Variants in PSMD11 observed in about 807,000 individuals in gnomAD.
PSMD11 encodes proteasome 26S subunit, non-ATPase 11.
Under a neutral mutation model 62.3 loss-of-function variants are expected in PSMD11, and 5 were observed. The ratio of observed to expected loss-of-function variants is 0.08; its 90% CI spans 0.04 to 0.17. The LOEUF is 0.17. PSMD11 is among the 10% of genes least tolerant of loss of function. The pLI is 1.00. For missense variants in PSMD11, 310 were observed against 512.9 expected (o/e 0.60, Z 3.82); for synonymous variants, 191 against 191.8 (o/e 1.00, Z 0.03).
chr17:32,468,244 A>G (rs1305961769), intron 5 of PSMD11, among the ~76,000 whole-genome samples: 1 of 152,110 alleles, frequency 6.6e-6, no homozygotes, highest in Non-Finnish European at 1.5e-5. Context: ...CAAGTCCCTT[A>G]CCAGATACAT....
chr17:32,450,281 G>A (rs1202575882), intron 2 of PSMD11, among the ~76,000 whole-genome samples: 1 of 150,972 alleles, frequency 6.6e-6, no homozygotes, highest in East Asian at 1.9e-4. Context: ...TTGAGACCGA[G>A]TTTCATTCTG....
chr17:32,453,292 A>G (rs949050449), intron 2 of PSMD11, among the ~76,000 whole-genome samples: 11 of 152,250 alleles, frequency 7.2e-5, no homozygotes, highest in Admixed American at 7.2e-4. Context: ...ACCTAAAAGG[A>G]TATATAAGGT....
intron 5 of PSMD11, among the ~76,000 whole-genome samples, chr17:32,466,715 G>A (rs1908002517): frequency 6.6e-6 from 1 of 152,154 alleles, no homozygotes; most frequent in East Asian, 1.9e-4. Context: ...TTAAGGAGCT[G>A]CTAAGTAAGC....
chr17:32,446,354 G>A (rs1442767731), intron 1 of PSMD11, among the ~76,000 whole-genome samples: 1 of 152,188 alleles, frequency 6.6e-6, no homozygotes, highest in African/African-American at 2.4e-5. Flanking sequence ...TTAAAAAGCA[G>A]CAGTCTCCCC....
chr17:32,464,475 G>T, intron 4 of PSMD11, 46 bp from the exon 5 acceptor site: 1 of 1,445,164 alleles, frequency 6.9e-7, no homozygotes, highest in Admixed American at 2.0e-5. Flanking sequence ...ATTTCTTTCT[G>T]TGGCTTTTTC....
rs558681635 is a variant in PSMD11 at position 32,479,776 on chromosome 17, CCT to C, written c.1039-74_1039-73del. 3.0e-4 allele frequency: 446 copies of C among 1,510,406 alleles called. 2 individuals are homozygous for C. The South Asian group carries it at 3.4e-3, about 12-fold the overall frequency. The allele number at this position is 1,510,406 out of a possible 1,614,324, so 93.6% of individuals were successfully genotyped here. Reference sequence around the variant, plus strand: ...TTTTGAGAAATACAGCAGTTCTCCCCCTGTTCCCTCCCTTCTCTTATTGGAGG... The same window carrying C: ...TTTTGAGAAATACAGCAGTTCTCCCCGTTCCCTCCCTTCTCTTATTGGAGG... On this transcript the variant is annotated intron_variant, in intron 10 of 13. Transcript: ENST00000261712.
intron 3 of PSMD11, among the ~76,000 whole-genome samples, chr17:32,455,138 A>G (rs1449317424): frequency 6.6e-6 from 1 of 152,218 alleles, no homozygotes; most frequent in Non-Finnish European, 1.5e-5. Context: ...CTCAGTAATC[A>G]CTGAATCTTC....
At chr17:32,473,300 G>A (rs529750040) in intron 6 of PSMD11, among the ~76,000 whole-genome samples, 4 of 150,500 alleles carry the variant, frequency 2.7e-5, no homozygotes, top group Non-Finnish European at 5.9e-5. Context: ...TTTTGAGACG[G>A]AAGTTTGCCC....
At chr17:32,479,427 C>T (rs1597844909) in intron 10 of PSMD11, 51 bp downstream of exon 10, 2 of 1,599,928 alleles carry the variant, frequency 1.3e-6, no homozygotes, top group East Asian at 2.2e-5. Flanking sequence ...TCACTGTAGC[C>T]ACCTCCCTTC....
intron 3 of PSMD11, among the ~76,000 whole-genome samples, chr17:32,457,274 G>T (rs1907679535): frequency 6.6e-6 from 1 of 152,114 alleles, no homozygotes; most frequent in African/African-American, 2.4e-5. Flanking sequence ...GCCTTGCTCT[G>T]TTGCCCAGGC....
chr17:32,472,123 C>T (rs1325034210), intron 6 of PSMD11, among the ~76,000 whole-genome samples: 1 of 152,118 alleles, frequency 6.6e-6, no homozygotes, highest in African/African-American at 2.4e-5. Flanking sequence ...CTGCCTTGGC[C>T]TCCCAAAGTG....
At chr17:32,450,590 G>GA (rs1323791407) in intron 2 of PSMD11, among the ~76,000 whole-genome samples, 1 of 151,840 alleles carries the variant, frequency 6.6e-6, no homozygotes, top group African/African-American at 2.4e-5. Flanking sequence ...TTCTGACAAG[G>GA]AAAATCTGGT....
intron 3 of PSMD11, among the ~76,000 whole-genome samples, chr17:32,457,573 A>G (rs1907688854): frequency 6.6e-6 from 1 of 152,070 alleles, no homozygotes; most frequent in Non-Finnish European, 1.5e-5. Context: ...CTTTGCTTTT[A>G]TCATGAACCA....
In PSMD11 at chr17:32,464,549, C is replaced by A. The variant is rs142904428; in HGVS notation, c.419C>A (p.Thr140Asn). Residue 140 changes from threonine to asparagine, a missense_variant, in exon 5 of 14, where the codon ACC becomes AAC. This residue lies in a region of PSMD11 where 47 missense variants were observed against 59.0 expected (regional missense o/e 0.80). Coordinates refer to ENST00000261712, the MANE Select transcript of PSMD11 (RefSeq NM_002815.4). Reference protein sequence around the residue: ...EARLVSLYFDTKRYQEALHLG... With the variant: ...EARLVSLYFDNKRYQEALHLG... ...AGACTGGTGTCTTTGTACTTTGATACCAAGAGGTACCAGGAAGCATTGCAT... is the reference window on the plus strand; with the variant it reads ...AGACTGGTGTCTTTGTACTTTGATAACAAGAGGTACCAGGAAGCATTGCAT... 8 of 1,608,794 alleles carry A rather than the reference C, an allele frequency of 5.0e-6. No individual in the cohort carries two copies. In the African/African-American group the frequency reaches 1.1e-4, roughly 21 times the overall value.
chr17:32,480,746 C>A lies in PSMD11; in HGVS notation c.*1-7C>A, dbSNP rs1312528353. 1 of 1,262,730 alleles carries A rather than the reference C, an allele frequency of 7.9e-7. No homozygotes were observed. The highest frequency in any genetic ancestry group is 1.1e-6 in the Non-Finnish European group (1 of 910,988). The allele number at this position is 1,262,730 out of a possible 1,614,324, so 78.2% of individuals were successfully genotyped here. On this transcript the variant is annotated splice_polypyrimidine_tract_variant and splice_region_variant and intron_variant, in intron 13 of 13. Coordinates refer to ENST00000261712, the MANE Select transcript of PSMD11 (RefSeq NM_002815.4). ...CCTGATTGACACTGCTCTGTCTTCT[C>A]TTGCAGAGTTGGATCTGTAGCGGTC...
intron 3 of PSMD11, among the ~76,000 whole-genome samples, chr17:32,460,105 G>T (rs970951306): frequency 6.6e-6 from 1 of 152,130 alleles, no homozygotes; most frequent in Non-Finnish European, 1.5e-5. Context: ...TGTGGCCCAC[G>T]TTGGGGTGCA....
chr17:32,454,622 A>C lies in PSMD11; in HGVS notation c.318+3A>C. 6.2e-7 allele frequency: 1 copy of C among 1,610,808 alleles called. No homozygotes were observed. The highest frequency in any genetic ancestry group is 8.5e-7 in the Non-Finnish European group (1 of 1,178,976). ...TGGAAGCAGCTACAGGGCAGGAGGT[A>C]AGTGATATTAATGACAGAAAGTAGA... On this transcript the variant is annotated splice_donor_region_variant and intron_variant, in intron 3 of 13. Coordinates refer to ENST00000261712, the MANE Select transcript of PSMD11 (RefSeq NM_002815.4).
intron 6 of PSMD11, 89 bp from the exon 7 acceptor site, chr17:32,473,712 T>G: frequency 7.2e-7 from 1 of 1,388,114 alleles, no homozygotes; most frequent in African/African-American, 1.4e-5. Flanking sequence ...CCGTGCCCAT[T>G]TAGGTAGATG....
At chr17:32,460,007 C>T (rs1907776536) in intron 3 of PSMD11, among the ~76,000 whole-genome samples, 1 of 152,048 alleles carries the variant, frequency 6.6e-6, no homozygotes, top group African/African-American at 2.4e-5. Context: ...AAAGAATAGA[C>T]AAGCAAGACA....
Sources: gnomAD v4.1 joint callset for allele counts (sites outside exome capture counted in the v4.1 genomes callset) on GRCh38, gnomAD v4.1.1 for gene constraint, gnomAD v4.1.1 regional missense constraint, MANE v1.5 for transcripts, NCBI Gene and HGNC (gene_info 2026-07-23, HGNC 2026-07-21) for gene names.